EDC3: variants seen among roughly 807,000 people sequenced by gnomAD.
EDC3 encodes the protein enhancer of mRNA-decapping protein 3.
EDC3 carries 20 observed loss-of-function variants against 41.8 expected under a neutral mutation model. The observed-to-expected ratio is 0.48, with a 90% confidence interval of 0.34 to 0.70. The LOEUF (loss-of-function observed/expected upper bound fraction) is 0.70, where lower values mean the gene tolerates loss of function less well. Ranked by LOEUF, EDC3 falls within the 30% of genes least tolerant of loss-of-function variation. The pLI, the probability that EDC3 is intolerant of heterozygous loss-of-function variation, is 0.01. For synonymous variants in EDC3, 206 were observed against 243.2 expected, an observed-to-expected ratio of 0.85 and a Z score of 1.42; for missense variants, 444 against 636.8, an observed-to-expected ratio of 0.70 and a Z score of 3.26.
rs1567164782 is a variant in EDC3, at chr15:74,656,036, T to C, written c.517A>G (p.Thr173Ala). The change falls in exon 4 of 7, where the codon ACT becomes GCT. Residue 173 changes from threonine to alanine, a missense_variant. Transcript: ENST00000315127. ...SSSSRHPNQA[T>A]PKKSGLKNGQ... ...TTCTTTAAACCACTTTTCTTGGGAG[T>C]TGCCTGATTTGGGTGCCTGCTACTA... The C allele has an allele frequency of 6.2e-7, 1 of 1,611,934 alleles. No individual in the cohort carries two copies. Among genetic ancestry groups the C allele is most frequent in the East Asian group, 2.2e-5 (1 of 44,854 alleles).
chr15:74,679,643 G>A (rs568022557), intron 1 of EDC3, among the ~76,000 whole-genome samples: 14 of 151,804 alleles, frequency 9.2e-5, no homozygotes, highest in African/African-American at 3.4e-4. Flanking sequence ...TAATGATCCA[G>A]GCTCAGTGGC....
At chr15:74,693,793 G>A (rs1436518374) in intron 1 of EDC3, among the ~76,000 whole-genome samples, 1 of 152,036 alleles carries the variant, frequency 6.6e-6, no homozygotes, top group African/African-American at 2.4e-5. Context: ...AGACCAGCCC[G>A]GCCAACATGG....
intron 4 of EDC3, among the ~76,000 whole-genome samples, chr15:74,647,967 C>T (rs1469478025): frequency 6.6e-6 from 1 of 152,166 alleles, no homozygotes; most frequent in African/African-American, 2.4e-5. Context: ...ATACACATAC[C>T]GTTGGGGAAT....
At chr15:74,693,952 C>T (rs2063037413) in intron 1 of EDC3, among the ~76,000 whole-genome samples, 1 of 151,662 alleles carries the variant, frequency 6.6e-6, no homozygotes, top group Admixed American at 6.6e-5. Context: ...CACTGCACTC[C>T]GTCCAACCTG....
chr15:74,644,984 A>G (rs2062396472), intron 4 of EDC3: 1 of 152,190 alleles, frequency 6.6e-6, no homozygotes. Flanking sequence ...GCCTTGAGAA[A>G]GACACAGCCC....
chr15:74,643,307 G>A (rs1013142521), intron 4 of EDC3: 24 of 152,178 alleles, frequency 1.6e-4, no homozygotes, highest in African/African-American at 5.6e-4. Flanking sequence ...GGGAATCAAG[G>A]CAGTAAAATC....
chr15:74,660,733 G>A lies in EDC3; in HGVS notation c.485-4665C>T, dbSNP rs564626517. Reference sequence around the variant, plus strand: ...GTGGGTATGTGTTTCCCCAGGGGTGGACAGAACGATTCACCAGGATGTAGG... The same window carrying A: ...GTGGGTATGTGTTTCCCCAGGGGTGAACAGAACGATTCACCAGGATGTAGG... On this transcript the variant is annotated intron_variant, in intron 3 of 6. Coordinates refer to ENST00000315127, the MANE Select transcript of EDC3 (RefSeq NM_025083.5). Among the ~76,000 whole-genome samples, 5 of 152,160 alleles carry A rather than the reference G, an allele frequency of 3.3e-5. 1 individual carries two copies. In the South Asian group the frequency reaches 8.3e-4, roughly 25 times the overall value.
At position 74,632,523 on chromosome 15, in the gene EDC3, T is replaced by G; in HGVS notation, c.*89A>C. 6.9e-7 allele frequency: 1 copy of G among 1,452,046 alleles called. No individual in the cohort carries two copies. The highest frequency in any genetic ancestry group is 9.3e-7 in the Non-Finnish European group (1 of 1,075,522). 89.9% of individuals were successfully genotyped at this position (1,452,046 alleles called of 1,614,324 possible). A position where few individuals can be genotyped will look rare whatever the true frequency, so the allele number is the denominator to read the frequency against. On this transcript the variant is annotated 3_prime_UTR_variant, in exon 7 of 7. Transcript: ENST00000315127. The surrounding 1 kb of genome is among the most constrained non-coding windows in gnomAD (Gnocchi z 4.0). ...AAACAAACCCAAAAGAGAAAAAACT[T>G]TAACAAGGTCCATGAAGCTTCATAT...
intron 1 of EDC3, among the ~76,000 whole-genome samples, chr15:74,684,798 A>G (rs761302574): frequency 4.6e-5 from 7 of 151,886 alleles, no homozygotes; most frequent in African/African-American, 9.7e-5. Context: ...AAAAACAACA[A>G]CAGCAGCAAA....
chr15:74,638,637 GT>G (rs1270726461), intron 5 of EDC3: 1 of 151,858 alleles, frequency 6.6e-6, no homozygotes, highest in Admixed American at 6.6e-5. Context: ...CCTGGCCTAA[GT>G]TTCAGATCCT....
chr15:74,659,736 C>T (rs926118644), intron 3 of EDC3, among the ~76,000 whole-genome samples: 1 of 151,454 alleles, frequency 6.6e-6, no homozygotes, highest in Non-Finnish European at 1.5e-5. Flanking sequence ...CATGAGAACA[C>T]ATCCTGGCTA....
intron 3 of EDC3, among the ~76,000 whole-genome samples, chr15:74,656,883 T>C (rs1396834917): frequency 6.6e-6 from 1 of 152,196 alleles, no homozygotes; most frequent in African/African-American, 2.4e-5. Context: ...GTGGCTTGAC[T>C]TCAGAGGGAT....
Position 74,645,600 on chromosome 15 carries a change from CG to C in EDC3, c.821-4982del, listed in dbSNP as rs566473684. Among the ~76,000 whole-genome samples the C allele has an allele frequency of 2.1e-5, 3 of 146,158 alleles. No individual in the cohort carries two copies. The South Asian group carries it at 6.6e-4, about 32-fold the overall frequency. On this transcript the variant is annotated intron_variant, in intron 4 of 6. Coordinates refer to ENST00000315127, the MANE Select transcript of EDC3 (RefSeq NM_025083.5). ...GGGTGCCAGGCAGGTGGCTCATGCC[CG>C]GCCAAAGAGTAATCCCAGCACTTTG...
chr15:74,694,136 TAAGAA>T (rs1304786690), intron 1 of EDC3, among the ~76,000 whole-genome samples: 1 of 152,190 alleles, frequency 6.6e-6, no homozygotes, highest in African/African-American at 2.4e-5. Context: ...CTTCTCTGGA[TAAGAA>T]AAGAAAAATG....
chr15:74,635,803 C>T (rs935010237), intron 5 of EDC3, 177 bp from the exon 6 acceptor site: 1 of 619,956 alleles, frequency 1.6e-6, no homozygotes, highest in Admixed American at 3.0e-5. Flanking sequence ...GGGTGGCACT[C>T]CTGTTGTCCC....
chr15:74,633,816 C>T (rs899561353), intron 6 of EDC3, among the ~76,000 whole-genome samples: 3 of 152,154 alleles, frequency 2.0e-5, no homozygotes, highest in Admixed American at 2.0e-4. Context: ...AGGCCCCCTT[C>T]CCAGCTCTCA....
In EDC3 at chr15:74,671,571, A is replaced by C. The variant is rs760503949; in HGVS notation, c.368T>G (p.Val123Gly). The C allele has an allele frequency of 6.2e-7, 1 of 1,614,112 alleles. No individual in the cohort carries two copies. Among genetic ancestry groups the C allele is most frequent in the Non-Finnish European group, 8.5e-7 (1 of 1,180,016 alleles). Residue 123 changes from valine (V) to glycine (G), a missense_variant, in exon 3 of 7, where the codon GTG (valine) becomes GGG (glycine). Val to Gly is a moderately radical substitution (Grantham distance 109). This residue lies in a region of EDC3 where 200 missense variants were observed against 244.0 expected (regional missense o/e 0.82). Transcript: ENST00000315127. This position sits in a 1 kb window ranked among gnomAD's most constrained non-coding sequence, Gnocchi z 4.6. Reference protein sequence around the residue: ...APQNIPKRTDVKSQDVAVSPQ... With the variant: ...APQNIPKRTDGKSQDVAVSPQ... ...GGAAACGGCAACATCCTGGCTCTTC[A>C]CATCTGTCCTCTTAGGGATATTCTG...
intron 3 of EDC3, among the ~76,000 whole-genome samples, chr15:74,670,010 ATTTTTTTT>A (rs757043746): frequency 6.9e-5 from 8 of 116,360 alleles, no homozygotes; most frequent in Non-Finnish European, 8.9e-5. Flanking sequence ...CGCCCAGCTA[ATTTTTTTT>A]TTTTTTTTTT....
At chr15:74,665,833 T>C (rs949572069) in intron 3 of EDC3, among the ~76,000 whole-genome samples, 14 of 151,652 alleles carry the variant, frequency 9.2e-5, no homozygotes, top group African/African-American at 3.2e-4. Flanking sequence ...AGTTTTGCTT[T>C]GTTGCCCAGG....
Sources: allele counts gnomAD v4.1 joint callset (sites outside exome capture counted in the v4.1 genomes callset), GRCh38; gene constraint gnomAD v4.1.1; regional missense constraint gnomAD v4.1.1; non-coding constraint Gnocchi (gnomAD v3.1); transcripts MANE v1.5; gene names NCBI Gene and HGNC (gene_info 2026-07-23, HGNC 2026-07-21).